The following SLC4A4 variants were observed in gnomAD, a reference collection of about 807,000 sequenced individuals.
SLC4A4 encodes the protein electrogenic sodium bicarbonate cotransporter 1.
A neutral mutation model predicts 111.5 loss-of-function variants in SLC4A4; 27 were observed. That is an observed-to-expected ratio of 0.24 (90% CI 0.18 to 0.33). The LOEUF (loss-of-function observed/expected upper bound fraction) is 0.33. SLC4A4 is among the 10% of genes least tolerant of loss of function. The pLI, the probability that SLC4A4 is intolerant of heterozygous loss-of-function variation, is 1.00. For synonymous variants in SLC4A4, 443 were observed against 463.4 expected (o/e 0.96, Z 0.57); for missense variants, 909 against 1,315.5 (o/e 0.69, Z 4.78).
At position 71,318,884 on chromosome 4, in the gene SLC4A4, G is replaced by A. The variant is rs552759514; in HGVS notation, c.254-20486G>A. Among the ~76,000 whole-genome samples the A allele has an allele frequency of 3.3e-5, 5 of 150,356 alleles. 1 individual carries two copies. In the South Asian group the frequency reaches 1.0e-3, roughly 32 times the overall value. Reference sequence around the variant, plus strand: ...ATTTACATGTGTTATTTTGACATGAGTTTTGTTCTATTGTAGTAGAGAATT... The same window carrying A: ...ATTTACATGTGTTATTTTGACATGAATTTTGTTCTATTGTAGTAGAGAATT... On this transcript the variant is annotated intron_variant, in intron 3 of 25. Coordinates refer to ENST00000264485, the MANE Select transcript of SLC4A4 (RefSeq NM_001098484.3).
intron 3 of SLC4A4, among the ~76,000 whole-genome samples, chr4:71,297,985 TG>T (rs1339145282): frequency 6.6e-6 from 1 of 152,228 alleles, no homozygotes; most frequent in Non-Finnish European, 1.5e-5. Flanking sequence ...TGGAAGACCT[TG>T]GTTCAAGTTC....
chr4:71,425,162 A>G (rs1372087896), intron 7 of SLC4A4, among the ~76,000 whole-genome samples: 1 of 152,106 alleles, frequency 6.6e-6, no homozygotes, highest in East Asian at 1.9e-4. Context: ...GCTATTCAGG[A>G]ACACGCAAGC....
intron 2 of SLC4A4, among the ~76,000 whole-genome samples, chr4:71,158,439 A>G: frequency 6.6e-6 from 1 of 152,092 alleles, no homozygotes; most frequent in East Asian, 1.9e-4. Context: ...GCTTTTTGAA[A>G]AGCTGGAATG....
chr4:71,236,490 G>A lies in SLC4A4; in HGVS notation c.-1-86G>A. The A allele has an allele frequency of 3.2e-6, 4 of 1,262,518 alleles. No individual in the cohort carries two copies. In the South Asian group the frequency reaches 3.7e-5, roughly 12 times the overall value. The allele number at this position is 1,262,518 out of a possible 1,614,324, so 78.2% of individuals were successfully genotyped here. A position where few individuals can be genotyped will look rare whatever the true frequency, so the allele number is the denominator to read the frequency against. ...TGCTAACATGAACAACAGCTTGCAG[G>A]TTAACCTGCCCAGAAGCTGGGCTGC... On this transcript the variant is annotated intron_variant, in intron 1 of 25. Transcript: ENST00000264485.
In SLC4A4 at chr4:71,308,854, G is replaced by T. The variant is rs142887810; in HGVS notation, c.254-30516G>T. Among the ~76,000 whole-genome samples the T allele has an allele frequency of 6.0e-4, 91 of 152,262 alleles. 1 individual carries two copies. The highest frequency in any genetic ancestry group is 1.1e-3 in the Admixed American group (17 of 15,296). ...CCCAGTAGTTCCTGGAACCCCAGTG[G>T]TGCCTAGGAACCCCAGTGAGACAAA... On this transcript the variant is annotated intron_variant, in intron 3 of 25. Transcript: ENST00000264485.
Position 71,298,755 on chromosome 4 carries a change from G to A in SLC4A4, c.254-40615G>A, listed in dbSNP as rs1724998376. Among the ~76,000 whole-genome samples the A allele has an allele frequency of 3.3e-5, 5 of 152,170 alleles. No individual in the cohort carries two copies. In the South Asian group the frequency reaches 1.0e-3, roughly 32 times the overall value. On this transcript the variant is annotated intron_variant, in intron 3 of 25. Coordinates refer to ENST00000264485, the MANE Select transcript of SLC4A4 (RefSeq NM_001098484.3). ...GGAAGTAGTTCAGGTTCAGATATGG[G>A]TAGGATCTGTGCTTCCTAGTTTGGA...
At chr4:71,556,599 A>G (rs1333570549) in intron 21 of SLC4A4, among the ~76,000 whole-genome samples, 2 of 151,998 alleles carry the variant, frequency 1.3e-5, no homozygotes, top group East Asian at 3.9e-4. Flanking sequence ...AAATTCTGCA[A>G]TGCTATTGCC....
Position 71,230,737 on chromosome 4 carries a change from C to G in SLC4A4, c.-1-5839C>G, listed in dbSNP as rs905412490. On this transcript the variant is annotated intron_variant, in intron 1 of 25. Transcript: ENST00000264485. Reference sequence around the variant, plus strand: ...TATGAACTTGATCCATGTGCAGCATCGTTAAGTGCAGAGCAGGCTGTGGAA... The same window carrying G: ...TATGAACTTGATCCATGTGCAGCATGGTTAAGTGCAGAGCAGGCTGTGGAA... 3.3e-5 allele frequency among the ~76,000 whole-genome samples: 5 copies of G among 152,266 alleles called. No homozygotes were observed. The South Asian group carries it at 8.3e-4, about 25-fold the overall frequency.
intron 2 of SLC4A4, among the ~76,000 whole-genome samples, chr4:71,154,737 A>G (rs2148973998): frequency 6.6e-6 from 1 of 152,352 alleles, no homozygotes; most frequent in East Asian, 1.9e-4. Context: ...TCATAATTCT[A>G]CATTTAATAG....
intron 16 of SLC4A4, among the ~76,000 whole-genome samples, chr4:71,517,623 A>T (rs895009565): frequency 2.0e-5 from 3 of 151,976 alleles, no homozygotes; most frequent in African/African-American, 4.8e-5. Flanking sequence ...TTTTTGAGGG[A>T]TGATTACTGG....
intron 2 of SLC4A4, among the ~76,000 whole-genome samples, chr4:71,149,434 A>G (rs1744258834): frequency 6.6e-6 from 1 of 152,162 alleles, no homozygotes; most frequent in Non-Finnish European, 1.5e-5. Flanking sequence ...TTGATCAAGG[A>G]GCAGGAAGTC....
At chr4:71,268,143 G>A (rs1193651874) in intron 3 of SLC4A4, among the ~76,000 whole-genome samples, 2 of 140,360 alleles carry the variant, frequency 1.4e-5, no homozygotes, top group African/African-American at 5.3e-5. Context: ...GACACGTGAG[G>A]TGCATTCTTA....
intron 12 of SLC4A4, among the ~76,000 whole-genome samples, chr4:71,459,450 T>A (rs1167254161): frequency 1.3e-5 from 2 of 152,050 alleles, no homozygotes; most frequent in Non-Finnish European, 2.9e-5. Flanking sequence ...TGTATACAGA[T>A]AGATTGACAT....
rs533700968 is a variant in SLC4A4 at position 71,270,897 on chromosome 4, C to A, written c.253+15498C>A. 3.9e-5 allele frequency among the ~76,000 whole-genome samples: 6 copies of A among 152,272 alleles called. No individual in the cohort carries two copies. The East Asian group carries it at 9.7e-4, about 25-fold the overall frequency. ...CTAAGCAAATCAGTTAGATTAAAAG[C>A]AAAAGAACAAATTAGCTTGAGATAC... On this transcript the variant is annotated intron_variant, in intron 3 of 25. Transcript: ENST00000264485.
In SLC4A4 at chr4:71,101,371, CT is replaced by C. The variant is rs1429060924; in HGVS notation, c.-2+8580del. On this transcript the variant is annotated intron_variant, in intron 2 of 26. Transcript: ENST00000649996. Reference sequence around the variant, plus strand: ...CAGATTCAATGCTGTACCTATCAAACTACATTGACATTCAAACAAATGACAT... The same window carrying C: ...CAGATTCAATGCTGTACCTATCAAACACATTGACATTCAAACAAATGACAT... Among the ~76,000 whole-genome samples the C allele has an allele frequency of 5.3e-5, 8 of 152,316 alleles. No individual in the cohort carries two copies. In the South Asian group the frequency reaches 1.7e-3, roughly 32 times the overall value.
At chr4:71,357,338 C>A in intron 6 of SLC4A4, 151 bp downstream of exon 6, 1 of 802,734 alleles carries the variant, frequency 1.2e-6, no homozygotes, top group Non-Finnish European at 2.0e-6. Flanking sequence ...ATTTTTAATC[C>A]AGTTGGACAG....
intron 3 of SLC4A4, among the ~76,000 whole-genome samples, chr4:71,297,875 A>C (rs1397198148): frequency 1.2e-4 from 18 of 152,184 alleles, no homozygotes; most frequent in Non-Finnish European, 1.9e-4. Context: ...GGCTTGAGCC[A>C]CCGTGCCCAG....
intron 16 of SLC4A4, among the ~76,000 whole-genome samples, chr4:71,515,895 A>T (rs1732332999): frequency 6.6e-6 from 1 of 151,904 alleles, no homozygotes; most frequent in South Asian, 2.1e-4. Flanking sequence ...ATATAGTTAG[A>T]TGCTACTTTT....
intron 16 of SLC4A4, among the ~76,000 whole-genome samples, chr4:71,516,637 T>C (rs1179245198): frequency 6.6e-6 from 1 of 152,164 alleles, no homozygotes; most frequent in East Asian, 1.9e-4. Context: ...TATTTCAGAT[T>C]GCAGCCGACT....
Sources: gnomAD v4.1 joint callset for allele counts (sites outside exome capture counted in the v4.1 genomes callset) on GRCh38, gnomAD v4.1.1 for gene constraint, MANE v1.5 for transcripts, NCBI Gene and HGNC (gene_info 2026-07-23, HGNC 2026-07-21) for gene names.